SNAP25: variants seen among roughly 807,000 people sequenced by gnomAD.
SNAP25 encodes synaptosomal-associated protein 25.
In SNAP25, 3 loss-of-function variants were observed where a neutral mutation model predicts 28.7. That is an observed-to-expected ratio of 0.10 (90% confidence interval 0.05 to 0.27). SNAP25 has a LOEUF of 0.27. SNAP25 is among the 10% of genes least tolerant of loss of function. The probability of loss-of-function intolerance (pLI) is 1.00; values close to 1 mark genes in which losing one functional copy is unlikely to be tolerated. For synonymous variants in SNAP25, 61 were observed against 88.1 expected, an observed-to-expected ratio of 0.69 and a Z score of 1.72; for missense variants, 117 against 278.7, an observed-to-expected ratio of 0.42 and a Z score of 4.13.
chr20:10,283,166 A>G (rs1240345075), intron 3 of SNAP25, among the ~76,000 whole-genome samples: 3 of 152,254 alleles, frequency 2.0e-5, no homozygotes, highest in East Asian at 3.8e-4. Context: ...GCTGCTATAG[A>G]TGCATTTTCT....
At chr20:10,237,856 G>A (rs189157501) in intron 1 of SNAP25, among the ~76,000 whole-genome samples, 19 of 152,272 alleles carry the variant, frequency 1.2e-4, no homozygotes, top group African/African-American at 4.3e-4. Context: ...AATTAGGTGA[G>A]GAGTATTTTC....
chr20:10,226,835 C>G (rs1163010911), intron 1 of SNAP25, among the ~76,000 whole-genome samples: 1 of 152,052 alleles, frequency 6.6e-6, no homozygotes, highest in Admixed American at 6.6e-5. Flanking sequence ...TAGGATGTCA[C>G]TAAAATGTCC....
chr20:10,228,700 A>G (rs1336008664), intron 1 of SNAP25, among the ~76,000 whole-genome samples: 1 of 152,170 alleles, frequency 6.6e-6, no homozygotes, highest in African/African-American at 2.4e-5. Flanking sequence ...GGTTGTCGTG[A>G]GACCTAAAGG....
chr20:10,248,090 A>G (rs141257268), intron 1 of SNAP25, among the ~76,000 whole-genome samples: 48 of 152,358 alleles, frequency 3.2e-4, no homozygotes, highest in African/African-American at 1.0e-3. Flanking sequence ...GAACACTCCA[A>G]TCTAATCATG....
chr20:10,266,380 A>G (rs1418065410), intron 1 of SNAP25, among the ~76,000 whole-genome samples: 1 of 152,220 alleles, frequency 6.6e-6, no homozygotes, highest in African/African-American at 2.4e-5. Context: ...TTCCCATGCC[A>G]TTACAGTCAG....
intron 1 of SNAP25, among the ~76,000 whole-genome samples, chr20:10,240,592 T>C (rs1281417011): frequency 6.6e-6 from 1 of 152,164 alleles, no homozygotes; most frequent in Non-Finnish European, 1.5e-5. Flanking sequence ...TCTGCCATTC[T>C]CCATGCCTCC....
At chr20:10,229,272 G>A (rs1323741461) in intron 1 of SNAP25, among the ~76,000 whole-genome samples, 3 of 152,016 alleles carry the variant, frequency 2.0e-5, no homozygotes, top group African/African-American at 4.8e-5. Context: ...TGTTGGGGGC[G>A]GGGATAGGTT....
chr20:10,255,298 C>G (rs571725826), intron 1 of SNAP25, among the ~76,000 whole-genome samples: 50 of 152,342 alleles, frequency 3.3e-4, no homozygotes, highest in African/African-American at 1.1e-3. Context: ...ACGATGCTTG[C>G]TCCTCTGGCC....
At chr20:10,292,414 GT>G (rs2064018087) in intron 4 of SNAP25, among the ~76,000 whole-genome samples, 1 of 152,170 alleles carries the variant, frequency 6.6e-6, no homozygotes, top group African/African-American at 2.4e-5. Context: ...TGCTGCTGCT[GT>G]TGTCTCCAAA....
chr20:10,230,068 T>TAGAGA (rs2062801555), intron 1 of SNAP25, among the ~76,000 whole-genome samples: 1 of 152,120 alleles, frequency 6.6e-6, no homozygotes, highest in Non-Finnish European at 1.5e-5. Flanking sequence ...GGCCCTTCTC[T>TAGAGA]CCTTTTCCCA....
intron 5 of SNAP25, among the ~76,000 whole-genome samples, chr20:10,295,439 A>C (rs1463490429): frequency 1.3e-5 from 2 of 152,134 alleles, no homozygotes; most frequent in Non-Finnish European, 2.9e-5. Flanking sequence ...AGCCCTATTA[A>C]ATTTAGTTTG....
chr20:10,285,623 A>T (rs2123069980), intron 4 of SNAP25, among the ~76,000 whole-genome samples: 1 of 152,334 alleles, frequency 6.6e-6, no homozygotes, highest in East Asian at 1.9e-4. Context: ...AAAGATAAAA[A>T]TGTACAATGT....
chr20:10,304,745 C>T (rs1884366069), intron 7 of SNAP25, among the ~76,000 whole-genome samples: 1 of 152,114 alleles, frequency 6.6e-6, no homozygotes, highest in African/African-American at 2.4e-5. Flanking sequence ...TGATGTTATT[C>T]AAGGTTTACA....
intron 1 of SNAP25, among the ~76,000 whole-genome samples, chr20:10,230,586 C>T (rs992547246): frequency 7.9e-5 from 12 of 152,148 alleles, no homozygotes; most frequent in African/African-American, 2.9e-4. Context: ...TAGGGCGAGA[C>T]CCAGTAACCT....
intron 1 of SNAP25, among the ~76,000 whole-genome samples, chr20:10,274,511 T>C (rs1428716875): frequency 6.6e-6 from 1 of 152,252 alleles, no homozygotes; most frequent in Non-Finnish European, 1.5e-5. Flanking sequence ...TTTTTATTTA[T>C]ATAAAATTAT....
intron 7 of SNAP25, among the ~76,000 whole-genome samples, chr20:10,301,361 C>G (rs564339890): frequency 1.3e-5 from 2 of 152,300 alleles, no homozygotes; most frequent in South Asian, 4.1e-4. Context: ...GGAGAAGGGT[C>G]TAATTGCCTT....
intron 3 of SNAP25, 119 bp from the exon 4 acceptor site, chr20:10,284,605 T>G: frequency 1.3e-6 from 1 of 792,176 alleles, no homozygotes. Flanking sequence ...TTCTCCCTTT[T>G]TTCTTTTGGT....
intron 4 of SNAP25, among the ~76,000 whole-genome samples, chr20:10,286,266 G>C (rs1172153186): frequency 6.6e-6 from 1 of 152,108 alleles, no homozygotes; most frequent in Non-Finnish European, 1.5e-5. Flanking sequence ...GGAGCAAGAA[G>C]GGACTGGAGG....
intron 1 of SNAP25, among the ~76,000 whole-genome samples, chr20:10,269,392 G>C (rs1195019184): frequency 1.3e-5 from 2 of 152,066 alleles, no homozygotes; most frequent in African/African-American, 2.4e-5. Flanking sequence ...ACAGAGCAAG[G>C]CTCCATCTTA....
Sources: gnomAD v4.1 joint callset for allele counts (sites outside exome capture counted in the v4.1 genomes callset) on GRCh38, gnomAD v4.1.1 for gene constraint, MANE v1.5 for transcripts, NCBI Gene and HGNC (gene_info 2026-07-23, HGNC 2026-07-21) for gene names.